Variants in KCNAB1 observed in about 807,000 individuals in gnomAD.
KCNAB1 encodes potassium voltage-gated channel subfamily A regulatory beta subunit 1, also known as voltage-gated potassium channel subunit beta-1.
Under a neutral mutation model 64.6 loss-of-function variants are expected in KCNAB1, and 35 were observed. The observed-to-expected ratio is 0.54, with a 90% CI of 0.41 to 0.72. KCNAB1 has a LOEUF of 0.72. Ranked by LOEUF, KCNAB1 falls within the 30% of genes least tolerant of loss-of-function variation. The pLI is 0.00. For synonymous variants in KCNAB1, 177 were observed against 183.8 expected (o/e 0.96, Z 0.30); for missense variants, 401 against 512.9 (o/e 0.78, Z 2.11).
chr3:156,337,376 T>A (rs1723783588), intron 1 of KCNAB1, among the ~76,000 whole-genome samples: 1 of 152,198 alleles, frequency 6.6e-6, no homozygotes, highest in South Asian at 2.1e-4. Flanking sequence ...TGTTTCATGT[T>A]CTTTTTTCCC....
At chr3:156,123,593 A>G (rs1322209935) in intron 1 of KCNAB1, among the ~76,000 whole-genome samples, 5 of 152,224 alleles carry the variant, frequency 3.3e-5, no homozygotes. Flanking sequence ...CTCCTGCTGT[A>G]TTTACATATG....
At chr3:156,187,738 A>G (rs537870700) in intron 1 of KCNAB1, among the ~76,000 whole-genome samples, 14 of 152,264 alleles carry the variant, frequency 9.2e-5, no homozygotes, top group African/African-American at 3.1e-4. Context: ...GTTTTGCCTC[A>G]TTTTACTCCA....
At chr3:156,253,566 A>G (rs755084150) in intron 1 of KCNAB1, among the ~76,000 whole-genome samples, 11 of 152,246 alleles carry the variant, frequency 7.2e-5, no homozygotes, top group Non-Finnish European at 1.3e-4. Context: ...GTTGCCATTC[A>G]TCAGCCATAC....
chr3:156,313,884 T>G (rs1316040959), intron 1 of KCNAB1, among the ~76,000 whole-genome samples: 1 of 152,086 alleles, frequency 6.6e-6, no homozygotes, highest in Non-Finnish European at 1.5e-5. Flanking sequence ...GTGACCAGAG[T>G]GTGGCGTGAA....
intron 1 of KCNAB1, among the ~76,000 whole-genome samples, chr3:156,380,921 A>T (rs372361222): frequency 7.9e-5 from 12 of 152,228 alleles, no homozygotes; most frequent in African/African-American, 2.7e-4. Context: ...AGAGCCATAA[A>T]CAAAGAGCCA....
At chr3:156,346,651 G>A (rs1410485911) in intron 1 of KCNAB1, among the ~76,000 whole-genome samples, 2 of 152,190 alleles carry the variant, frequency 1.3e-5, no homozygotes, top group Non-Finnish European at 2.9e-5. Context: ...TCAGGTTGCT[G>A]TGAGGATTAA....
At chr3:156,168,391 G>A (rs1260426211) in intron 1 of KCNAB1, among the ~76,000 whole-genome samples, 1 of 151,932 alleles carries the variant, frequency 6.6e-6, no homozygotes, top group Admixed American at 6.6e-5. Flanking sequence ...ATAAGAATAC[G>A]GTTTTAAAAT....
chr3:156,256,693 T>A (rs1718118803), intron 1 of KCNAB1, among the ~76,000 whole-genome samples: 1 of 152,252 alleles, frequency 6.6e-6, no homozygotes, highest in Non-Finnish European at 1.5e-5. Context: ...AGTATTTTTT[T>A]TACCCCATGT....
chr3:156,380,077 G>A (rs529809464), intron 1 of KCNAB1, among the ~76,000 whole-genome samples: 1 of 152,102 alleles, frequency 6.6e-6, no homozygotes, highest in South Asian at 2.1e-4. Context: ...CTCACCACAA[G>A]CACATGGAGG....
At chr3:156,501,910 G>A (rs890771879) in intron 8 of KCNAB1, among the ~76,000 whole-genome samples, 1 of 152,236 alleles carries the variant, frequency 6.6e-6, no homozygotes, top group East Asian at 1.9e-4. Context: ...AAGAGAAAAC[G>A]AGGAAGAAGC....
chr3:156,409,735 C>T (rs776762406), intron 1 of KCNAB1, among the ~76,000 whole-genome samples: 3 of 152,224 alleles, frequency 2.0e-5, no homozygotes, highest in Non-Finnish European at 4.4e-5. Context: ...GACACCACTT[C>T]ACTGCTGGTC....
At chr3:156,479,928 T>A (rs1298104750) in intron 8 of KCNAB1, among the ~76,000 whole-genome samples, 1 of 152,160 alleles carries the variant, frequency 6.6e-6, no homozygotes, top group East Asian at 1.9e-4. Flanking sequence ...CTAAGCCATC[T>A]TTTTTAGTGT....
At chr3:156,201,474 C>CA (rs1714326204) in intron 1 of KCNAB1, among the ~76,000 whole-genome samples, 1 of 152,210 alleles carries the variant, frequency 6.6e-6, no homozygotes, top group Non-Finnish European at 1.5e-5. Context: ...CATTATCACT[C>CA]AAAGTTCATA....
At chr3:156,285,690 A>G (rs539933044) in intron 1 of KCNAB1, among the ~76,000 whole-genome samples, 1 of 152,122 alleles carries the variant, frequency 6.6e-6, no homozygotes, top group African/African-American at 2.4e-5. Context: ...TTTGATAGAG[A>G]CAGGGTTTCA....
At chr3:156,189,051 G>A (rs571286178) in intron 1 of KCNAB1, among the ~76,000 whole-genome samples, 13 of 152,282 alleles carry the variant, frequency 8.5e-5, no homozygotes, top group Non-Finnish European at 1.9e-4. Context: ...CCACAAGCCC[G>A]AGGATGCCCT....
At chr3:156,312,199 A>G (rs1721955385) in intron 1 of KCNAB1, among the ~76,000 whole-genome samples, 1 of 152,194 alleles carries the variant, frequency 6.6e-6, no homozygotes, top group South Asian at 2.1e-4. Flanking sequence ...TTGCTGAGTA[A>G]AATAGGCGAC....
At chr3:156,176,624 A>G in intron 1 of KCNAB1, 2 of 940,220 alleles carry the variant, frequency 2.1e-6, no homozygotes, top group Admixed American at 1.7e-5. Context: ...GTCACCATAG[A>G]CATTCCACAA....
chr3:156,126,221 G>A (rs4680232), intron 1 of KCNAB1, among the ~76,000 whole-genome samples: 82,021 of 151,894 alleles, frequency 0.54, 23,264 homozygotes, highest in Admixed American at 0.71. Flanking sequence ...GGCTGGATCT[G>A]GGAGTGTGGC....
At chr3:156,352,211 C>T (rs1454418710) in intron 1 of KCNAB1, among the ~76,000 whole-genome samples, 1 of 152,208 alleles carries the variant, frequency 6.6e-6, no homozygotes, top group Non-Finnish European at 1.5e-5. Flanking sequence ...GTGGGCTCCT[C>T]CCGGGGACCC....
Sources: gnomAD v4.1 joint callset for allele counts (sites outside exome capture counted in the v4.1 genomes callset) on GRCh38, gnomAD v4.1.1 for gene constraint, MANE v1.5 for transcripts, NCBI Gene and HGNC (gene_info 2026-07-23, HGNC 2026-07-21) for gene names.